The following DENND1A variants were observed in gnomAD, a reference collection of about 807,000 sequenced individuals.
The protein encoded by DENND1A is DENN domain containing 1A.
DENND1A carries 51 observed loss-of-function variants against 113.7 expected under a neutral mutation model. That is an observed-to-expected ratio of 0.45 (90% CI 0.36 to 0.57). DENND1A has a LOEUF of 0.57. Ranked by LOEUF, DENND1A falls within the 20% of genes least tolerant of loss-of-function variation. The pLI is 0.00. For missense variants in DENND1A, 1,258 were observed against 1,395.9 expected (o/e 0.90, Z 1.57); for synonymous variants, 565 against 570.8 (o/e 0.99, Z 0.14).
rs1166294079 is a variant in DENND1A, at chr9:123,902,164, CACACACACAT to C, written c.18-23153_18-23144del. 4.2e-3 allele frequency among the ~76,000 whole-genome samples: 566 copies of C among 135,336 alleles called. 3 individuals are homozygous for C. Among genetic ancestry groups the C allele is most frequent in the Non-Finnish European group, 3.7e-3 (239 of 64,100 alleles). 88.8% of individuals were successfully genotyped at this position (135,336 alleles called of 152,430 possible). A position where few individuals can be genotyped will look rare whatever the true frequency, so the allele number is the denominator to read the frequency against. On this transcript the variant is annotated intron_variant, in intron 1 of 23. Coordinates refer to ENST00000394215, the MANE Select transcript of DENND1A (RefSeq NM_001352964.2). ...CAGTCCTGGTTATACTCATGGGTCA[CACACACACAT>C]ACACACACACACACACACACACACA...
chr9:123,698,620 G>A (rs187341134), intron 5 of DENND1A, among the ~76,000 whole-genome samples: 39 of 152,252 alleles, frequency 2.6e-4, no homozygotes, highest in East Asian at 7.7e-4. Context: ...TTTCTCCTTC[G>A]TTTTACAACA....
intron 13 of DENND1A, among the ~76,000 whole-genome samples, chr9:123,556,350 C>G (rs1415367202): frequency 6.6e-6 from 1 of 152,082 alleles, no homozygotes; most frequent in South Asian, 2.1e-4. Flanking sequence ...GAGAGCAGGT[C>G]CTGGGTGATG....
chr9:123,543,099 T>C (rs1282651733), intron 13 of DENND1A, among the ~76,000 whole-genome samples: 1 of 152,158 alleles, frequency 6.6e-6, no homozygotes, highest in Admixed American at 6.5e-5. Flanking sequence ...AGACAAGAAA[T>C]GCTTTGGAAA....
At chr9:123,515,296 T>C (rs1394265175) in intron 13 of DENND1A, among the ~76,000 whole-genome samples, 2 of 152,242 alleles carry the variant, frequency 1.3e-5, no homozygotes, top group Non-Finnish European at 1.5e-5. Flanking sequence ...AAAAGTGATA[T>C]TTCCATTACA....
At position 123,757,712 on chromosome 9, in the gene DENND1A, C is replaced by T; in HGVS notation, c.293G>A (p.Cys98Tyr). 6.2e-7 allele frequency: 1 copy of T among 1,613,930 alleles called. No individual in the cohort carries two copies. The highest frequency in any genetic ancestry group is 8.5e-7 in the Non-Finnish European group (1 of 1,179,922). Residue 98 changes from cysteine (C) to tyrosine (Y), a missense_variant, in exon 5 of 24, where the codon TGT becomes TAT. By Grantham distance (194) the Cys-to-Tyr change is radical. Transcript: ENST00000394215. ...RLSSGAKSCF[C>Y]ILSYLPWFEV... The stretch of plus-strand genomic sequence containing the variant: ...AAGCCTTCTCCCTTACCTTAAGATA[C>T]AGAAGCAGCTCTTCGCTCCTGAAGA...
rs372237514 is a variant in DENND1A at position 123,461,272 on chromosome 9, C to A, written c.994-3375G>T. Among the ~76,000 whole-genome samples the A allele has an allele frequency of 7.2e-5, 11 of 152,342 alleles. No homozygotes were observed. The East Asian group carries it at 1.9e-3, about 27-fold the overall frequency. On this transcript the variant is annotated intron_variant, in intron 13 of 23. Transcript: ENST00000394215. ...GTGCTGGGATAGTCTTCACTGGTAT[C>A]CCCTCTCACCAGGAGCTCAAGGGGC...
chr9:123,875,921 G>A (rs1847382733), intron 2 of DENND1A, among the ~76,000 whole-genome samples: 1 of 152,186 alleles, frequency 6.6e-6, no homozygotes, highest in South Asian at 2.1e-4. Context: ...CCTCTTGCCA[G>A]GACCAGTATT....
chr9:123,587,427 T>C (rs146490228), intron 11 of DENND1A, among the ~76,000 whole-genome samples: 7,113 of 152,202 alleles, frequency 0.047, 248 homozygotes, highest in Non-Finnish European at 0.068. Context: ...AAACAATCCA[T>C]GGAAACAGGA....
At chr9:123,430,588 C>T (rs73573396) in intron 19 of DENND1A, among the ~76,000 whole-genome samples, 51 of 152,270 alleles carry the variant, frequency 3.3e-4, no homozygotes, top group South Asian at 4.2e-4. Flanking sequence ...AACCAAACAC[C>T]GCACATTCTC....
chr9:123,806,809 AGAAGGAAT>A (rs1835659079), intron 2 of DENND1A, among the ~76,000 whole-genome samples: 1 of 152,246 alleles, frequency 6.6e-6, no homozygotes, highest in African/African-American at 2.4e-5. Flanking sequence ...AATGAAAAAA[AGAAGGAAT>A]GAAGGAATAA....
In DENND1A at chr9:123,381,527, G is replaced by T. The variant is rs747017882; in HGVS notation, c.3118C>A (p.Gln1040Lys). The T allele has an allele frequency of 1.2e-6, 2 of 1,613,782 alleles. No individual in the cohort carries two copies. Among genetic ancestry groups the T allele is most frequent in the Non-Finnish European group, 1.7e-6 (2 of 1,179,994 alleles). The change falls in exon 24 of 24, where the codon CAG (glutamine) becomes AAG (lysine). Residue 1040 changes from glutamine to lysine, a missense_variant. Physicochemically the swap from Gln to Lys is moderately conservative, Grantham distance 53. Around this residue, in one of 2 missense-constraint regions of DENND1A, gnomAD observed 1,159 missense variants for 1,231.7 expected, o/e 0.94. Transcript: ENST00000394215. This position sits in a 1 kb window ranked among gnomAD's most constrained non-coding sequence, Gnocchi z 4.7. ...GGGCTCACGTCTTGCTTGGTTTTCT[G>T]TAACAAATCCTCAAAGGGGTCTCTG... is the stretch of plus-strand genomic sequence containing the variant. ...QARDPFEDLL[Q>K]KTKQDVSPSP...
intron 10 of DENND1A, among the ~76,000 whole-genome samples, chr9:123,629,971 A>G (rs367680710): frequency 2.7e-4 from 41 of 152,326 alleles, no homozygotes; most frequent in African/African-American, 7.0e-4. Flanking sequence ...CATGACATAT[A>G]AGAAAACTGG....
intron 13 of DENND1A, among the ~76,000 whole-genome samples, chr9:123,480,007 C>A (rs1030734641): frequency 2.0e-5 from 3 of 152,214 alleles, no homozygotes; most frequent in Non-Finnish European, 2.9e-5. Flanking sequence ...AGGGCAGACT[C>A]CCCTACCGAA....
At chr9:123,652,366 G>T in intron 8 of DENND1A, 1 of 410,162 alleles carries the variant, frequency 2.4e-6, no homozygotes, top group East Asian at 4.5e-5. Flanking sequence ...ATTACAACAT[G>T]AGGTCGCATC....
chr9:123,589,527 G>A (rs2059354084), intron 11 of DENND1A, among the ~76,000 whole-genome samples: 1 of 150,116 alleles, frequency 6.7e-6, no homozygotes, highest in Non-Finnish European at 1.5e-5. Context: ...CACCGAGACA[G>A]CTCTCCGGTA....
At chr9:123,915,624 T>C (rs1263599066) in intron 1 of DENND1A, among the ~76,000 whole-genome samples, 1 of 152,098 alleles carries the variant, frequency 6.6e-6, no homozygotes, top group Non-Finnish European at 1.5e-5. Context: ...ATAAAGTTAC[T>C]TGTCTTTCAT....
chr9:123,606,308 T>C (rs2060153048), intron 11 of DENND1A, among the ~76,000 whole-genome samples: 1 of 152,138 alleles, frequency 6.6e-6, no homozygotes, highest in African/African-American at 2.4e-5. Context: ...AACTCCCATT[T>C]TTGTTTTTAT....
intron 20 of DENND1A, among the ~76,000 whole-genome samples, chr9:123,406,717 C>T (rs1229562294): frequency 6.6e-6 from 1 of 152,204 alleles, no homozygotes; most frequent in African/African-American, 2.4e-5. Flanking sequence ...GTTTCCCCAG[C>T]TCTGGCAGCT....
At chr9:123,516,113 C>CAA (rs2053879794) in intron 13 of DENND1A, among the ~76,000 whole-genome samples, 1 of 3,794 alleles carries the variant, frequency 2.6e-4, no homozygotes, top group African/African-American at 4.7e-4. Flanking sequence ...CACATACACA[C>CAA]ACACACACAC....
Sources: allele counts gnomAD v4.1 joint callset (sites outside exome capture counted in the v4.1 genomes callset), GRCh38; gene constraint gnomAD v4.1.1; regional missense constraint gnomAD v4.1.1; non-coding constraint Gnocchi (gnomAD v3.1); transcripts MANE v1.5; gene names NCBI Gene and HGNC (gene_info 2026-07-23, HGNC 2026-07-21).